TENM4: variants seen among roughly 807,000 people sequenced by gnomAD.
TENM4 encodes teneurin transmembrane protein 4.
A neutral mutation model predicts 243.3 loss-of-function variants in TENM4; 82 were observed. The observed-to-expected ratio is 0.34, with a 90% confidence interval of 0.28 to 0.40. The LOEUF (loss-of-function observed/expected upper bound fraction) is 0.40, where lower values mean the gene tolerates loss of function less well. Ranked by LOEUF, TENM4 falls within the 10% of genes least tolerant of loss-of-function variation. The pLI is 1.00. For missense variants in TENM4, 3,138 were observed against 3,673.3 expected, an observed-to-expected ratio of 0.85 and a Z score of 3.77; for synonymous variants, 1,412 against 1,456.3, an observed-to-expected ratio of 0.97 and a Z score of 0.69.
intron 4 of TENM4, among the ~76,000 whole-genome samples, chr11:79,087,600 G>A (rs143757966): frequency 4.3e-4 from 66 of 152,274 alleles, no homozygotes; most frequent in African/African-American, 1.5e-3. Context: ...ATCTGTCCTC[G>A]GCCCTGGGCC....
intron 10 of TENM4, among the ~76,000 whole-genome samples, chr11:78,860,940 C>G (rs1490009430): frequency 2.0e-5 from 3 of 152,224 alleles, no homozygotes; most frequent in Non-Finnish European, 4.4e-5. Context: ...AAAACCTAAA[C>G]AACCCACAGA....
intron 7 of TENM4, among the ~76,000 whole-genome samples, chr11:78,902,218 C>T (rs531870098): frequency 6.6e-6 from 1 of 152,176 alleles, no homozygotes; most frequent in Admixed American, 6.5e-5. Flanking sequence ...AAGTCAACAG[C>T]GCTTATCTCA....
chr11:79,041,331 T>C (rs1384023594), intron 6 of TENM4, among the ~76,000 whole-genome samples: 2 of 152,140 alleles, frequency 1.3e-5, no homozygotes, highest in Non-Finnish European at 2.9e-5. Context: ...TCCAAAGTGC[T>C]GGGATTATAG....
At chr11:79,085,981 A>G (rs1223490602) in intron 4 of TENM4, among the ~76,000 whole-genome samples, 1 of 152,200 alleles carries the variant, frequency 6.6e-6, no homozygotes, top group Non-Finnish European at 1.5e-5. Context: ...CACCACAAGC[A>G]CAGCATCCTG....
intron 3 of TENM4, among the ~76,000 whole-genome samples, chr11:79,210,125 C>G (rs76478528): frequency 6.6e-6 from 1 of 152,170 alleles, no homozygotes; most frequent in African/African-American, 2.4e-5. Context: ...ATAGGAAGTA[C>G]GGTGTCCTCT....
chr11:78,815,836 T>C (rs1170114611), intron 12 of TENM4, among the ~76,000 whole-genome samples: 1 of 152,216 alleles, frequency 6.6e-6, no homozygotes, highest in African/African-American at 2.4e-5. Context: ...AAGTGACCTG[T>C]GGAAGGCCAC....
chr11:78,936,553 G>A (rs551102640), intron 6 of TENM4, among the ~76,000 whole-genome samples: 1 of 152,186 alleles, frequency 6.6e-6, no homozygotes, highest in East Asian at 1.9e-4. Flanking sequence ...ATCAGAAAGA[G>A]TATTTACCAA....
intron 28 of TENM4, among the ~76,000 whole-genome samples, chr11:78,692,943 C>G (rs1858862188): frequency 6.6e-6 from 1 of 152,142 alleles, no homozygotes; most frequent in Non-Finnish European, 1.5e-5. Flanking sequence ...ACCTTTGTAT[C>G]ATATTTTCTT....
chr11:78,830,441 C>T (rs946480278), intron 12 of TENM4, among the ~76,000 whole-genome samples: 2 of 152,170 alleles, frequency 1.3e-5, no homozygotes, highest in Admixed American at 6.5e-5. Context: ...GGGGCTGAGG[C>T]TAGACTTGCT....
chr11:79,405,744 A>G (rs765712592), intron 1 of TENM4, among the ~76,000 whole-genome samples: 2 of 149,620 alleles, frequency 1.3e-5, no homozygotes, highest in Non-Finnish European at 3.0e-5. Context: ...ACTAACTCTT[A>G]TCTTAATGTG....
intron 1 of TENM4, among the ~76,000 whole-genome samples, chr11:79,404,201 T>C (rs1858520800): frequency 1.3e-5 from 2 of 152,188 alleles, no homozygotes; most frequent in Admixed American, 6.5e-5. Flanking sequence ...GAAAAGAAAA[T>C]CTGCTTTTTA....
intron 6 of TENM4, among the ~76,000 whole-genome samples, chr11:78,971,533 C>A (rs570809176): frequency 6.6e-6 from 1 of 152,224 alleles, no homozygotes; most frequent in Non-Finnish European, 1.5e-5. Flanking sequence ...AATCTCTTGA[C>A]CTTATGATCC....
At chr11:79,395,355 G>A (rs1858321388) in intron 1 of TENM4, among the ~76,000 whole-genome samples, 1 of 152,174 alleles carries the variant, frequency 6.6e-6, no homozygotes, top group African/African-American at 2.4e-5. Flanking sequence ...CCAGGGCCAG[G>A]CATTGAGGAT....
intron 1 of TENM4, among the ~76,000 whole-genome samples, chr11:79,423,926 C>T (rs978278672): frequency 6.6e-6 from 1 of 152,128 alleles, no homozygotes; most frequent in African/African-American, 2.4e-5. Context: ...TCCCTGCCTC[C>T]CCCACTAACC....
At chr11:79,198,714 G>T (rs1325139409) in intron 3 of TENM4, among the ~76,000 whole-genome samples, 2 of 152,192 alleles carry the variant, frequency 1.3e-5, no homozygotes, top group South Asian at 4.1e-4. Context: ...TATGTATTGG[G>T]GACCTACTCT....
chr11:79,264,846 C>T (rs1052872591), intron 2 of TENM4, among the ~76,000 whole-genome samples: 7 of 152,284 alleles, frequency 4.6e-5, no homozygotes, highest in Admixed American at 2.6e-4. Context: ...CTGCAAACCA[C>T]GACTTGGATG....
chr11:78,909,539 G>C (rs1856136675), intron 6 of TENM4, among the ~76,000 whole-genome samples: 1 of 152,184 alleles, frequency 6.6e-6, no homozygotes, highest in Admixed American at 6.5e-5. Context: ...ATGCAGGTAA[G>C]GTGCTTACAT....
chr11:78,980,051 G>A (rs952882893), intron 6 of TENM4, among the ~76,000 whole-genome samples: 1 of 152,322 alleles, frequency 6.6e-6, no homozygotes, highest in East Asian at 1.9e-4. Flanking sequence ...TAAATTTAAA[G>A]AAGGTTAAGT....
intron 4 of TENM4, among the ~76,000 whole-genome samples, chr11:79,123,376 G>GA: frequency 6.6e-6 from 1 of 152,162 alleles, no homozygotes; most frequent in East Asian, 1.9e-4. Context: ...TGGAGCTGGG[G>GA]TTCAACCCAG....
Sources: allele counts gnomAD v4.1 joint callset (sites outside exome capture counted in the v4.1 genomes callset), GRCh38; gene constraint gnomAD v4.1.1; transcripts MANE v1.5; gene names NCBI Gene and HGNC (gene_info 2026-07-23, HGNC 2026-07-21).